Variants in PARD3B observed in about 807,000 individuals in gnomAD.
The protein encoded by PARD3B is partitioning defective 3 homolog B.
A neutral mutation model predicts 130.2 loss-of-function variants in PARD3B; 103 were observed. The observed-to-expected ratio is 0.79, with a 90% CI of 0.67 to 0.93. PARD3B has a LOEUF of 0.93. Ranked by LOEUF, PARD3B falls within the 40% of genes least tolerant of loss-of-function variation. PARD3B has a pLI of 0.00. For missense variants in PARD3B, 1,609 were observed against 1,499.2 expected, an observed-to-expected ratio of 1.07 and a Z score of -1.21; for synonymous variants, 583 against 553.2, an observed-to-expected ratio of 1.05 and a Z score of -0.76.
intron 22 of PARD3B, among the ~76,000 whole-genome samples, chr2:205,597,561 T>A (rs1489866504): frequency 3.3e-5 from 5 of 152,222 alleles, no homozygotes; most frequent in Non-Finnish European, 4.4e-5. Context: ...AATTGCTGGA[T>A]TGAATGGTAG....
intron 19 of PARD3B, among the ~76,000 whole-genome samples, chr2:205,406,043 T>C (rs1408988641): frequency 2.0e-5 from 3 of 152,140 alleles, no homozygotes; most frequent in Non-Finnish European, 2.9e-5. Context: ...ATCCCGTGCC[T>C]CTCTCTCACA....
At chr2:204,597,261 T>TC (rs2033337498) in intron 1 of PARD3B, among the ~76,000 whole-genome samples, 1 of 152,074 alleles carries the variant, frequency 6.6e-6, no homozygotes, top group South Asian at 2.1e-4. Flanking sequence ...GATGCGTGTT[T>TC]TTTTTTTGGT....
intron 18 of PARD3B, among the ~76,000 whole-genome samples, chr2:205,332,378 T>C (rs1270248409): frequency 1.3e-5 from 2 of 152,018 alleles, no homozygotes; most frequent in South Asian, 2.1e-4. Context: ...TTCCAACTAG[T>C]TGAAGATCTC....
chr2:205,550,964 TATATATATATATAC>T lies in PARD3B; in HGVS notation c.3181-2358_3181-2345del, dbSNP rs1559207008. 1.3e-4 allele frequency among the ~76,000 whole-genome samples: 15 copies of T among 111,310 alleles called. No homozygotes were observed. Among genetic ancestry groups the T allele is most frequent in the East Asian group, 9.2e-4 (4 of 4,352 alleles). The allele number at this position is 111,310 out of a possible 152,430, so 73.0% of individuals were successfully genotyped here. A position where few individuals can be genotyped will look rare whatever the true frequency, so the allele number is the denominator to read the frequency against. On this transcript the variant is annotated intron_variant, in intron 21 of 22. Coordinates refer to ENST00000406610, the MANE Select transcript of PARD3B (RefSeq NM_001302769.2). The surrounding 1 kb of genome is among the most constrained non-coding windows in gnomAD (Gnocchi z 4.5). ...GTGTATATATATATGTGTATATATA[TATATATATATATAC>T]ACACACACACACACACACACACACA...
rs2035934711 is a variant in PARD3B, at chr2:205,183,769, T to C, written c.1925-1995T>C. On this transcript the variant is annotated intron_variant, in intron 13 of 22. Coordinates refer to ENST00000406610, the MANE Select transcript of PARD3B (RefSeq NM_001302769.2). This position sits in a 1 kb window ranked among gnomAD's most constrained non-coding sequence, Gnocchi z 5.2. ...GTGTGTGTGTGTGTGTGTGTGTGTG[T>C]GTGTGAACAGATTTATGATAAGGAA... is the stretch of plus-strand genomic sequence containing the variant. Among the ~76,000 whole-genome samples the C allele has an allele frequency of 6.7e-6, 1 of 149,006 alleles. No individual in the cohort carries two copies. Among genetic ancestry groups the C allele is most frequent in the Non-Finnish European group, 1.5e-5 (1 of 67,756 alleles).
intron 21 of PARD3B, among the ~76,000 whole-genome samples, chr2:205,545,193 A>G (rs1036598996): frequency 6.6e-6 from 1 of 152,222 alleles, no homozygotes; most frequent in Admixed American, 6.5e-5. Context: ...ATAATTAAAC[A>G]TCCTATTTTG....
chr2:204,916,021 A>G (rs1434936322), intron 2 of PARD3B, among the ~76,000 whole-genome samples: 1 of 152,220 alleles, frequency 6.6e-6, no homozygotes, highest in Admixed American at 6.5e-5. Context: ...GTCATATTAT[A>G]TAGATGGCTT....
chr2:205,374,087 A>T (rs1428774909), intron 18 of PARD3B, among the ~76,000 whole-genome samples: 1 of 152,100 alleles, frequency 6.6e-6, no homozygotes, highest in African/African-American at 2.4e-5. Flanking sequence ...AGGCTGAAAT[A>T]GAGGTTTGAA....
chr2:204,700,090 G>A (rs190310463), intron 2 of PARD3B, among the ~76,000 whole-genome samples: 115 of 152,180 alleles, frequency 7.6e-4, no homozygotes, highest in African/African-American at 2.6e-3. Context: ...AAATCCTGCA[G>A]TACTGTTCTT....
chr2:205,481,025 T>C (rs1202493579), intron 20 of PARD3B, among the ~76,000 whole-genome samples: 11 of 152,074 alleles, frequency 7.2e-5, no homozygotes, highest in Admixed American at 1.3e-4. Context: ...AGAATCTCTC[T>C]GTGAGCACAG....
At chr2:205,334,083 G>A (rs989383656) in intron 18 of PARD3B, among the ~76,000 whole-genome samples, 3 of 152,044 alleles carry the variant, frequency 2.0e-5, no homozygotes, top group African/African-American at 7.2e-5. Flanking sequence ...GGTCTCTTGT[G>A]GAAATATGTA....
At chr2:204,599,861 T>A (rs938268508) in intron 1 of PARD3B, among the ~76,000 whole-genome samples, 4 of 151,788 alleles carry the variant, frequency 2.6e-5, no homozygotes, top group South Asian at 2.1e-4. Flanking sequence ...TTTTAATTTT[T>A]ATTTTTTGAT....
At chr2:204,632,266 C>G (rs888761252) in intron 1 of PARD3B, among the ~76,000 whole-genome samples, 2 of 152,142 alleles carry the variant, frequency 1.3e-5, no homozygotes, top group African/African-American at 4.8e-5. Context: ...TTCCTAAGGC[C>G]TCCTCAGCCA....
At chr2:204,947,254 C>T (rs1689400703) in intron 2 of PARD3B, among the ~76,000 whole-genome samples, 1 of 152,122 alleles carries the variant, frequency 6.6e-6, no homozygotes, top group South Asian at 2.1e-4. Flanking sequence ...TAGAGAGTAT[C>T]ATTTATTTTA....
chr2:204,853,626 A>G (rs961420255), intron 2 of PARD3B, among the ~76,000 whole-genome samples: 22 of 151,982 alleles, frequency 1.4e-4, no homozygotes, highest in African/African-American at 4.6e-4. Context: ...TAACTAAATG[A>G]GTGATGAACG....
At chr2:204,562,505 G>A (rs1169098586) in intron 1 of PARD3B, among the ~76,000 whole-genome samples, 2 of 152,202 alleles carry the variant, frequency 1.3e-5, no homozygotes, top group Admixed American at 1.3e-4. Flanking sequence ...TATGGCTAGT[G>A]TGTGAGCTAA....
chr2:204,708,215 G>T (rs1156433794), intron 2 of PARD3B, among the ~76,000 whole-genome samples: 2 of 152,006 alleles, frequency 1.3e-5, no homozygotes, highest in African/African-American at 2.4e-5. Context: ...TCACCATGTT[G>T]CCCAGGCTGG....
At chr2:205,194,594 G>A (rs1162077359) in intron 15 of PARD3B, among the ~76,000 whole-genome samples, 2 of 152,072 alleles carry the variant, frequency 1.3e-5, no homozygotes, top group Admixed American at 6.5e-5. Context: ...GATCAAAACT[G>A]CTCTTATTTT....
intron 14 of PARD3B, among the ~76,000 whole-genome samples, chr2:205,186,530 T>C (rs1312264549): frequency 6.6e-6 from 1 of 152,196 alleles, no homozygotes; most frequent in Non-Finnish European, 1.5e-5. Context: ...TTAGAAACTG[T>C]GTATTTTATT....
Sources: gnomAD v4.1 joint callset for allele counts (sites outside exome capture counted in the v4.1 genomes callset) on GRCh38, gnomAD v4.1.1 for gene constraint, Gnocchi (gnomAD v3.1) non-coding constraint, MANE v1.5 for transcripts, NCBI Gene and HGNC (gene_info 2026-07-23, HGNC 2026-07-21) for gene names.